DSE: variants seen among roughly 807,000 people sequenced by gnomAD.
DSE encodes the protein dermatan-sulfate epimerase.
DSE carries 36 observed loss-of-function variants against 84.4 expected under a neutral mutation model. That is an observed-to-expected ratio of 0.43 (90% CI 0.33 to 0.56). The LOEUF (loss-of-function observed/expected upper bound fraction) is 0.56. DSE is among the 20% of genes least tolerant of loss of function. The probability of loss-of-function intolerance (pLI) is 0.06; values close to 1 mark genes in which losing one functional copy is unlikely to be tolerated. For missense variants in DSE, 862 were observed against 1,169.6 expected (o/e 0.74, Z 3.84); for synonymous variants, 410 against 430.1 (o/e 0.95, Z 0.58).
At chr6:116,359,729 G>A (rs183498036) in intron 2 of DSE, among the ~76,000 whole-genome samples, 2 of 152,282 alleles carry the variant, frequency 1.3e-5, no homozygotes, top group Admixed American at 6.5e-5. Context: ...GAAACAGATA[G>A]GCTTTGCAAT....
At chr6:116,403,321 A>G (rs1320899973) in intron 2 of DSE, among the ~76,000 whole-genome samples, 1 of 152,086 alleles carries the variant, frequency 6.6e-6, no homozygotes, top group Non-Finnish European at 1.5e-5. Flanking sequence ...TTAAAAAGGT[A>G]TTATTTTAAT....
intron 5 of DSE, among the ~76,000 whole-genome samples, chr6:116,434,020 ATATTT>A (rs1194951536): frequency 3.3e-5 from 5 of 152,218 alleles, no homozygotes; most frequent in African/African-American, 1.2e-4. Flanking sequence ...AGGTAGTAAA[ATATTT>A]TGTTTTGGTA....
At chr6:116,272,755 T>C (rs1772936845) in intron 2 of DSE, among the ~76,000 whole-genome samples, 1 of 152,204 alleles carries the variant, frequency 6.6e-6, no homozygotes, top group Non-Finnish European at 1.5e-5. Context: ...CAAAGCTATA[T>C]ATAATGATCA....
chr6:116,433,240 C>A, intron 4 of DSE, 103 bp from the exon 5 acceptor site: 1 of 1,118,260 alleles, frequency 8.9e-7, no homozygotes, highest in Non-Finnish European at 1.3e-6. Flanking sequence ...CCTTCCATTA[C>A]ACAATTCTAA....
rs1236311336 is a variant in DSE at position 116,444,698 on chromosome 6, A to G, written c.*7353A>G. 6.6e-6 allele frequency: 1 copy of G among 152,198 alleles called. No individual in the cohort carries two copies. The highest frequency in any genetic ancestry group is 1.5e-5 in the Non-Finnish European group (1 of 68,044). 9.4% of individuals were successfully genotyped at this position (152,198 alleles called of 1,614,324 possible). On this transcript the variant is annotated 3_prime_UTR_variant, in exon 6 of 6. Coordinates refer to ENST00000644252, the MANE Select transcript of DSE (RefSeq NM_013352.4). Reference sequence around the variant, plus strand: ...GTAGTATCCTTATAAAAGATACCCCAGAGAGGTCCCTTGTCCCTTCCAACA... The same window carrying G: ...GTAGTATCCTTATAAAAGATACCCCGGAGAGGTCCCTTGTCCCTTCCAACA...
intron 2 of DSE, among the ~76,000 whole-genome samples, chr6:116,321,994 G>T (rs9481625): frequency 2.0e-5 from 3 of 152,022 alleles, no homozygotes. Flanking sequence ...GGGTTTGTTC[G>T]GCCGGGGGCA....
intron 2 of DSE, among the ~76,000 whole-genome samples, chr6:116,274,357 T>G (rs547747121): frequency 1.8e-4 from 27 of 150,702 alleles, no homozygotes; most frequent in African/African-American, 6.6e-4. Context: ...AGGTCGGGAG[T>G]TTGAGACCAG....
At chr6:116,377,236 G>A (rs1779980544) in intron 1 of DSE, among the ~76,000 whole-genome samples, 1 of 152,160 alleles carries the variant, frequency 6.6e-6, no homozygotes, top group Non-Finnish European at 1.5e-5. Context: ...TAAATAATAG[G>A]CATTTAATGC....
chr6:116,435,602 GA>G lies in DSE; in HGVS notation c.1137del (p.Lys379AsnfsTer22). The G allele has an allele frequency of 6.4e-7, 1 of 1,572,852 alleles. No individual in the cohort carries two copies. Among genetic ancestry groups the G allele is most frequent in the Non-Finnish European group, 8.6e-7 (1 of 1,160,474 alleles). The stretch of plus-strand genomic sequence containing the variant: ...TTAATTTCAGGTATGATGGCAGCTT[GA>G]AATCGGTTCCTCCTCCAGACTTTGG... ...TEFLWYDGSL[K>X]SVPPPDFGTP... On this transcript the variant is annotated frameshift_variant, in exon 6 of 6. Transcript: ENST00000644252. LOFTEE classifies it high-confidence loss of function.
At chr6:116,293,605 T>C (rs932637394) in intron 2 of DSE, among the ~76,000 whole-genome samples, 3 of 152,180 alleles carry the variant, frequency 2.0e-5, no homozygotes, top group Admixed American at 1.3e-4. Flanking sequence ...TTGGTTGCTT[T>C]TAAAATGAGC....
At chr6:116,307,685 A>C (rs954294386) in intron 2 of DSE, among the ~76,000 whole-genome samples, 1 of 152,176 alleles carries the variant, frequency 6.6e-6, no homozygotes, top group Non-Finnish European at 1.5e-5. Flanking sequence ...TAATTTTTTT[A>C]TACAGTCCCC....
chr6:116,346,649 C>T (rs1459437025), intron 2 of DSE, among the ~76,000 whole-genome samples: 2 of 152,088 alleles, frequency 1.3e-5, no homozygotes, highest in African/African-American at 2.4e-5. Context: ...TATGACAAAC[C>T]CACAGCCAAT....
upstream of DSE, among the ~76,000 whole-genome samples, chr6:116,367,921 C>T (rs1331361472): frequency 2.0e-5 from 3 of 152,126 alleles, no homozygotes; most frequent in Non-Finnish European, 4.4e-5. Flanking sequence ...TAGTCTGAAA[C>T]CGAGGCAAGA....
chr6:116,308,519 G>T (rs1775478898), intron 2 of DSE, among the ~76,000 whole-genome samples: 1 of 152,172 alleles, frequency 6.6e-6, no homozygotes, highest in Non-Finnish European at 1.5e-5. Flanking sequence ...GGCATAGTAG[G>T]TGGAATGAGG....
At chr6:116,359,892 C>T (rs1049634748) in intron 2 of DSE, among the ~76,000 whole-genome samples, 2 of 152,164 alleles carry the variant, frequency 1.3e-5, no homozygotes, top group Middle Eastern at 3.2e-3. Context: ...TTTGTTAAGC[C>T]ATAGTCATTC....
chr6:116,327,652 A>T lies in DSE; in HGVS notation c.-54+68685A>T, dbSNP rs138654923. Among the ~76,000 whole-genome samples, 67 of 152,352 alleles carry T rather than the reference A, an allele frequency of 4.4e-4. No individual in the cohort carries two copies. The East Asian group carries it at 0.011, about 26-fold the overall frequency. ...TTAAAGTATTATCCATAATACTTGA[A>T]TCCAAACTGCTCTTGGTAAATATTT... On this transcript the variant is annotated intron_variant, in intron 2 of 3. Coordinates refer to the DSE transcript ENST00000430252.
Position 116,419,930 on chromosome 6 carries a change from A to G in DSE, c.417-6644A>G, listed in dbSNP as rs150071511. Among the ~76,000 whole-genome samples, 350 of 152,326 alleles carry G rather than the reference A, an allele frequency of 2.3e-3. 1 individual carries two copies. Among genetic ancestry groups the G allele is most frequent in the African/African-American group, 7.9e-3 (328 of 41,574 alleles). ...CTTTGTTGGAAAGGTCTGACAAATC[A>G]TAAAGTCTCATTTAAATACACTTTA... On this transcript the variant is annotated intron_variant, in intron 2 of 5. Transcript: ENST00000644252.
At chr6:116,359,614 A>G (rs1778774909) in intron 2 of DSE, among the ~76,000 whole-genome samples, 1 of 152,228 alleles carries the variant, frequency 6.6e-6, no homozygotes, top group Non-Finnish European at 1.5e-5. Flanking sequence ...CTGATAGATC[A>G]GGGATAAATA....
chr6:116,387,924 T>G (rs548396887), intron 1 of DSE, among the ~76,000 whole-genome samples: 1 of 151,968 alleles, frequency 6.6e-6, no homozygotes, highest in African/African-American at 2.4e-5. Context: ...TTATCCTAGG[T>G]GGGGAGATTC....
Sources: allele counts gnomAD v4.1 joint callset (sites outside exome capture counted in the v4.1 genomes callset), GRCh38; gene constraint gnomAD v4.1.1; transcripts MANE v1.5; gene names NCBI Gene and HGNC (gene_info 2026-07-23, HGNC 2026-07-21).